RALGAPA1: variants seen among roughly 807,000 people sequenced by gnomAD.
RALGAPA1 encodes the protein ral GTPase-activating protein subunit alpha-1.
Under a neutral mutation model 269.6 loss-of-function variants are expected in RALGAPA1, and 52 were observed. That is an observed-to-expected ratio of 0.19 (90% CI 0.15 to 0.24). The LOEUF is 0.24. Among genes scored for constraint, RALGAPA1 ranks in the 10% least tolerant of loss-of-function variants. The pLI is 1.00. For missense variants in RALGAPA1, 1,917 were observed against 3,013.9 expected, an observed-to-expected ratio of 0.64 and a Z score of 8.52; for synonymous variants, 817 against 1,008.3, an observed-to-expected ratio of 0.81 and a Z score of 3.60.
chr14:35,712,186 G>A (rs1267186920), intron 16 of RALGAPA1, among the ~76,000 whole-genome samples: 1 of 147,844 alleles, frequency 6.8e-6, no homozygotes, highest in Non-Finnish European at 1.5e-5. Flanking sequence ...GGCGAAGGTT[G>A]CAATGAGGCC....
intron 39 of RALGAPA1, among the ~76,000 whole-genome samples, chr14:35,562,787 T>C (rs986752285): frequency 2.0e-5 from 3 of 152,042 alleles, no homozygotes; most frequent in African/African-American, 4.8e-5. Context: ...TTTGGGAGGC[T>C]GAGGTGGGCG....
At chr14:35,742,692 T>A (rs1214911102) in intron 10 of RALGAPA1, 127 bp from the exon 11 acceptor site, 2 of 680,124 alleles carry the variant, frequency 2.9e-6, no homozygotes, top group Non-Finnish European at 2.6e-6. Flanking sequence ...AACAATGACA[T>A]AAAACAAAAC....
intron 16 of RALGAPA1, among the ~76,000 whole-genome samples, chr14:35,716,579 CATA>C (rs368018582): frequency 3.2e-4 from 49 of 152,054 alleles, no homozygotes; most frequent in Middle Eastern, 3.4e-3. Context: ...ACAAAAATTC[CATA>C]ATATCATCTG....
At chr14:35,715,926 T>C in intron 16 of RALGAPA1, 4 of 985,222 alleles carry the variant, frequency 4.1e-6, no homozygotes, top group Non-Finnish European at 4.8e-6. Flanking sequence ...GTAAGAAGAG[T>C]CTTAGAGGTT....
chr14:35,741,217 T>G (rs978627112), intron 11 of RALGAPA1, among the ~76,000 whole-genome samples: 8 of 152,204 alleles, frequency 5.3e-5, no homozygotes, highest in Non-Finnish European at 1.0e-4. Flanking sequence ...GCTCATTATA[T>G]ATGGCACATC....
At chr14:35,556,412 T>C (rs1227323012) in intron 39 of RALGAPA1, among the ~76,000 whole-genome samples, 1 of 152,210 alleles carries the variant, frequency 6.6e-6, no homozygotes, top group Non-Finnish European at 1.5e-5. Context: ...ATTTCTTTCC[T>C]ACTGTAACTA....
chr14:35,605,521 GA>G (rs1000806629), intron 36 of RALGAPA1, 64 bp downstream of exon 36: 22 of 1,462,306 alleles, frequency 1.5e-5, no homozygotes, highest in South Asian at 4.3e-5. Flanking sequence ...AATAAGCTAG[GA>G]AAAAAAAGAA....
chr14:35,766,177 T>C, intron 4 of RALGAPA1: 1 of 848,010 alleles, frequency 1.2e-6, no homozygotes, highest in Non-Finnish European at 2.1e-6. Flanking sequence ...AACTATGGCT[T>C]AGTTTCCCAT....
intron 36 of RALGAPA1, among the ~76,000 whole-genome samples, chr14:35,596,406 G>C (rs2139024563): frequency 6.6e-6 from 1 of 152,070 alleles, no homozygotes; most frequent in South Asian, 2.1e-4. Context: ...ATGTACAGAA[G>C]CCAAGAATTT....
At chr14:35,718,941 G>A (rs1028801129) in intron 16 of RALGAPA1, among the ~76,000 whole-genome samples, 3 of 151,354 alleles carry the variant, frequency 2.0e-5, no homozygotes, top group Non-Finnish European at 2.9e-5. Context: ...CTGGGCTCAA[G>A]AGATCTTCCC....
intron 35 of RALGAPA1, among the ~76,000 whole-genome samples, chr14:35,614,780 A>G (rs1594819551): frequency 6.6e-6 from 1 of 152,016 alleles, no homozygotes. Flanking sequence ...ATTGTGAAAG[A>G]AAAAAAACTC....
intron 16 of RALGAPA1, among the ~76,000 whole-genome samples, chr14:35,703,081 C>A (rs761254121): frequency 6.6e-6 from 1 of 152,100 alleles, no homozygotes; most frequent in African/African-American, 2.4e-5. Flanking sequence ...TCTTTCCCAA[C>A]ACAGACTTGA....
In RALGAPA1 at chr14:35,803,254, C is replaced by T. The variant is rs1275038833; in HGVS notation, c.106+5476G>A. Among the ~76,000 whole-genome samples the T allele has an allele frequency of 2.6e-5, 4 of 152,142 alleles. No homozygotes were observed. In the East Asian group the frequency reaches 7.7e-4, roughly 29 times the overall value. ...TACAAAGGCAATTCAGTAAAGATAG[C>T]CTTTTTCAACAAACAGAGCTGGAAC... On this transcript the variant is annotated intron_variant, in intron 1 of 41. Coordinates refer to ENST00000680220, the MANE Select transcript of RALGAPA1 (RefSeq NM_001346249.2).
chr14:35,792,493 C>T (rs1470085728), intron 1 of RALGAPA1, among the ~76,000 whole-genome samples: 1 of 151,970 alleles, frequency 6.6e-6, no homozygotes, highest in Non-Finnish European at 1.5e-5. Flanking sequence ...AAGATTGCTA[C>T]AGGACCTGGC....
At chr14:35,715,318 T>C (rs750762979) in intron 16 of RALGAPA1, among the ~76,000 whole-genome samples, 6 of 152,194 alleles carry the variant, frequency 3.9e-5, no homozygotes, top group Non-Finnish European at 5.9e-5. Flanking sequence ...ATTTATATCT[T>C]ATGTGTTGCT....
chr14:35,569,765 T>A (rs546785632), intron 39 of RALGAPA1, among the ~76,000 whole-genome samples: 6 of 152,264 alleles, frequency 3.9e-5, no homozygotes, highest in Non-Finnish European at 8.8e-5. Flanking sequence ...CACCACTCCA[T>A]CCAGGTGAGT....
chr14:35,799,548 C>T (rs1333921224), intron 1 of RALGAPA1, among the ~76,000 whole-genome samples: 12 of 145,400 alleles, frequency 8.3e-5, no homozygotes, highest in Admixed American at 3.5e-4. Flanking sequence ...GGCAACAGAG[C>T]GAGACTCGGT....
intron 12 of RALGAPA1, among the ~76,000 whole-genome samples, chr14:35,732,852 G>A (rs563936943): frequency 4.6e-5 from 7 of 152,246 alleles, no homozygotes; most frequent in South Asian, 2.1e-4. Flanking sequence ...AAGACAGAAA[G>A]ACAACAAAGA....
chr14:35,744,862 A>T (rs2071901819), intron 10 of RALGAPA1, among the ~76,000 whole-genome samples: 1 of 152,238 alleles, frequency 6.6e-6, no homozygotes, highest in Non-Finnish European at 1.5e-5. Flanking sequence ...AGTTAAAATG[A>T]TCCCAAAGAA....
Sources: allele counts gnomAD v4.1 joint callset (sites outside exome capture counted in the v4.1 genomes callset), GRCh38; gene constraint gnomAD v4.1.1; transcripts MANE v1.5; gene names NCBI Gene and HGNC (gene_info 2026-07-23, HGNC 2026-07-21).